The following CDIN1 variants were observed in gnomAD, a reference collection of about 807,000 sequenced individuals.
CDIN1 encodes CDAN1-interacting nuclease 1.
Under a neutral mutation model 45.3 loss-of-function variants are expected in CDIN1, and 33 were observed. The ratio of observed to expected loss-of-function variants is 0.73; its 90% CI spans 0.55 to 0.97. CDIN1 has a LOEUF of 0.97. CDIN1 is among the 50% of genes least tolerant of loss of function. The probability of loss-of-function intolerance (pLI) is 0.00; values close to 1 mark genes in which losing one functional copy is unlikely to be tolerated. For synonymous variants in CDIN1, 118 were observed against 124.4 expected, an observed-to-expected ratio of 0.95 and a Z score of 0.34; for missense variants, 303 against 339.4, an observed-to-expected ratio of 0.89 and a Z score of 0.84.
At chr15:36,788,736 TTC>T (rs1595600386) in intron 10 of CDIN1, among the ~76,000 whole-genome samples, 1 of 152,158 alleles carries the variant, frequency 6.6e-6, no homozygotes, top group African/African-American at 2.4e-5. Flanking sequence ...TTTTTTTTAT[TTC>T]TGTTTACAAG....
intron 10 of CDIN1, among the ~76,000 whole-genome samples, chr15:36,742,738 T>C (rs1367480954): frequency 6.6e-6 from 1 of 152,220 alleles, no homozygotes; most frequent in Non-Finnish European, 1.5e-5. Context: ...CATTCACACA[T>C]TCATTCGTTT....
At chr15:36,649,436 A>G (rs1033242025) in intron 3 of CDIN1, among the ~76,000 whole-genome samples, 5 of 152,190 alleles carry the variant, frequency 3.3e-5, no homozygotes, top group African/African-American at 7.2e-5. Flanking sequence ...TACAGAAGCT[A>G]TATGTCATCA....
chr15:36,678,942 T>C (rs1426780545), intron 5 of CDIN1, among the ~76,000 whole-genome samples: 2 of 152,198 alleles, frequency 1.3e-5, no homozygotes, highest in African/African-American at 2.4e-5. Flanking sequence ...GTGATATTAG[T>C]TATTCTTGGG....
At chr15:36,638,798 A>G (rs1310943125) in intron 1 of CDIN1, among the ~76,000 whole-genome samples, 1 of 152,242 alleles carries the variant, frequency 6.6e-6, no homozygotes, top group Non-Finnish European at 1.5e-5. Flanking sequence ...AAAAAGCCAC[A>G]TGCCCCACAT....
At chr15:36,604,776 TGTG>T (rs769048814) in intron 1 of CDIN1, among the ~76,000 whole-genome samples, 2 of 152,152 alleles carry the variant, frequency 1.3e-5, no homozygotes, top group Non-Finnish European at 2.9e-5. Context: ...TTTAACATAT[TGTG>T]GTGATAATAA....
At chr15:36,605,222 C>T (rs1365256947) in intron 1 of CDIN1, among the ~76,000 whole-genome samples, 1 of 152,092 alleles carries the variant, frequency 6.6e-6, no homozygotes, top group Non-Finnish European at 1.5e-5. Context: ...AAAGGATTAA[C>T]AGATTAAAGG....
intron 5 of CDIN1, among the ~76,000 whole-genome samples, chr15:36,662,648 A>T (rs773929898): frequency 6.6e-5 from 10 of 152,166 alleles, no homozygotes; most frequent in Non-Finnish European, 1.3e-4. Flanking sequence ...TTTGGAATTC[A>T]TGTTCTTCAT....
At chr15:36,766,607 C>G (rs28870157) in intron 10 of CDIN1, among the ~76,000 whole-genome samples, 58,848 of 152,040 alleles carry the variant, frequency 0.39, 12,362 homozygotes, top group Non-Finnish European at 0.47. Context: ...TTTATAATAG[C>G]CATTCTAACA....
intron 5 of CDIN1, among the ~76,000 whole-genome samples, chr15:36,682,228 T>A (rs1330595835): frequency 6.6e-6 from 1 of 152,102 alleles, no homozygotes; most frequent in African/African-American, 2.4e-5. Context: ...CCAGTGGTTG[T>A]AGTTCCAGTC....
chr15:36,582,522 C>T (rs959327110), intron 1 of CDIN1, among the ~76,000 whole-genome samples: 1 of 152,132 alleles, frequency 6.6e-6, no homozygotes, highest in African/African-American at 2.4e-5. Flanking sequence ...GTTTTATGCT[C>T]AGGAGCTGGC....
chr15:36,643,593 CA>C (rs2040196785), intron 1 of CDIN1, among the ~76,000 whole-genome samples: 1 of 152,148 alleles, frequency 6.6e-6, no homozygotes, highest in Non-Finnish European at 1.5e-5. Context: ...TTAACAATTG[CA>C]AAAGGAAAAT....
intron 10 of CDIN1, among the ~76,000 whole-genome samples, chr15:36,759,648 C>A (rs1399540578): frequency 6.6e-6 from 1 of 152,066 alleles, no homozygotes; most frequent in Non-Finnish European, 1.5e-5. Context: ...TGTTCTTATA[C>A]CCCTATAAAG....
At chr15:36,770,663 G>A (rs544691404) in intron 10 of CDIN1, among the ~76,000 whole-genome samples, 11 of 151,874 alleles carry the variant, frequency 7.2e-5, no homozygotes, top group African/African-American at 1.2e-4. Flanking sequence ...TTGGCCAGGC[G>A]GTCTCAAACT....
chr15:36,778,401 T>C (rs2141045973), intron 10 of CDIN1, among the ~76,000 whole-genome samples: 1 of 152,340 alleles, frequency 6.6e-6, no homozygotes, highest in Middle Eastern at 3.4e-3. Context: ...TACCCTCTGC[T>C]ACCTACAAAC....
intron 5 of CDIN1, among the ~76,000 whole-genome samples, chr15:36,685,587 T>C (rs1275778537): frequency 3.9e-5 from 6 of 152,062 alleles, no homozygotes; most frequent in Non-Finnish European, 8.8e-5. Flanking sequence ...AGAGCTTCTG[T>C]ACAGCAAAAG....
chr15:36,754,247 C>T (rs925225600), intron 10 of CDIN1, among the ~76,000 whole-genome samples: 1 of 152,052 alleles, frequency 6.6e-6, no homozygotes, highest in Non-Finnish European at 1.5e-5. Context: ...ATAGACAGGG[C>T]TTATCATTGA....
chr15:36,654,241 T>A, intron 4 of CDIN1, 83 bp downstream of exon 4: 1 of 1,056,642 alleles, frequency 9.5e-7, no homozygotes, highest in Non-Finnish European at 1.4e-6. Context: ...CAATTATAAC[T>A]ACCTTTGGAA....
At chr15:36,764,893 G>A (rs1188526197) in intron 10 of CDIN1, among the ~76,000 whole-genome samples, 2 of 152,112 alleles carry the variant, frequency 1.3e-5, no homozygotes, top group Non-Finnish European at 2.9e-5. Context: ...GGCCTGATGG[G>A]TAATGCCTAG....
At chr15:36,747,747 G>C (rs1032496095) in intron 10 of CDIN1, among the ~76,000 whole-genome samples, 6 of 152,076 alleles carry the variant, frequency 3.9e-5, no homozygotes, top group Non-Finnish European at 7.4e-5. Context: ...TATAACTGCT[G>C]TCTACCACTT....
Sources: allele counts gnomAD v4.1 joint callset (sites outside exome capture counted in the v4.1 genomes callset), GRCh38; gene constraint gnomAD v4.1.1; transcripts MANE v1.5; gene names NCBI Gene and HGNC (gene_info 2026-07-23, HGNC 2026-07-21).